The following ZNF552 variants were observed in gnomAD, a reference collection of about 807,000 sequenced individuals.
The protein encoded by ZNF552 is zinc finger protein 552.
Under a neutral mutation model 7.2 loss-of-function variants are expected in ZNF552, and 2 were observed. The ratio of observed to expected loss-of-function variants is 0.28; its 90% confidence interval spans 0.11 to 0.88. The LOEUF (loss-of-function observed/expected upper bound fraction) is 0.88. Among genes scored for constraint, ZNF552 ranks in the 40% least tolerant of loss-of-function variants. The probability of loss-of-function intolerance (pLI) is 0.60; values close to 1 mark genes in which losing one functional copy is unlikely to be tolerated. For synonymous variants in ZNF552, 173 were observed against 176.5 expected, an observed-to-expected ratio of 0.98 and a Z score of 0.16; for missense variants, 421 against 493.4, an observed-to-expected ratio of 0.85 and a Z score of 1.39.
At chr19:57,813,635 C>G (rs191790631) in intron 1 of ZNF552, among the ~76,000 whole-genome samples, 24 of 152,156 alleles carry the variant, frequency 1.6e-4, no homozygotes, top group Admixed American at 1.5e-3. Flanking sequence ...GAGTCCACCC[C>G]CTCCTGACAG....
At chr19:57,810,453 C>T (rs1202575012) in intron 2 of ZNF552, among the ~76,000 whole-genome samples, 4 of 152,134 alleles carry the variant, frequency 2.6e-5, no homozygotes, top group Admixed American at 1.3e-4. Flanking sequence ...TAATCTGTAA[C>T]CCTACTCCCA....
At chr19:57,813,976 A>ACGTG in intron 1 of ZNF552, among the ~76,000 whole-genome samples, 1 of 151,432 alleles carries the variant, frequency 6.6e-6, no homozygotes, top group Non-Finnish European at 1.5e-5. Context: ...CCTCCGGACC[A>ACGTG]ACCCGCCTAG....
chr19:57,812,496 C>G (rs1051219374), intron 2 of ZNF552, among the ~76,000 whole-genome samples: 5 of 151,980 alleles, frequency 3.3e-5, no homozygotes, highest in Non-Finnish European at 7.4e-5. Flanking sequence ...AAGGGAAAGA[C>G]AGAACAAGGA....
rs1345342593 is a variant in ZNF552 at position 57,814,515 on chromosome 19, C to T, written c.33+196G>A. The T allele has an allele frequency of 3.3e-6, 5 of 1,536,992 alleles. No homozygotes were observed. In the East Asian group the frequency reaches 7.3e-5, roughly 23 times the overall value. On this transcript the variant is annotated intron_variant, in intron 1 of 2. Transcript: ENST00000391701. ...GATCCGTCCATCTCCAGGCCATTGC[C>T]CGCGCCCCTCCCTGTACCTGTCGCT... is the stretch of plus-strand genomic sequence containing the variant.
Position 57,813,285 on chromosome 19 carries a change from G to A in ZNF552, c.160+9C>T, listed in dbSNP as rs530128550. ...GCTCAGGTCACAGGGGTGAGTGTGG[G>A]CAACTTACCCAGGGAGGACATAAGT... is the stretch of plus-strand genomic sequence containing the variant. On this transcript the variant is annotated intron_variant, in intron 2 of 2. Transcript: ENST00000391701. 5.0e-5 allele frequency: 80 copies of A among 1,613,998 alleles called. No homozygotes were observed. The Middle Eastern group carries it at 9.9e-4, about 20-fold the overall frequency.
chr19:57,811,507 C>G (rs1057501134), intron 2 of ZNF552, among the ~76,000 whole-genome samples: 2 of 152,034 alleles, frequency 1.3e-5, no homozygotes, highest in Non-Finnish European at 2.9e-5. Flanking sequence ...TTTCTTTTCT[C>G]AAGTCTCTCA....
At position 57,808,668 on chromosome 19, in the gene ZNF552, G is replaced by C. The variant is rs1258650701; in HGVS notation, c.596C>G (p.Thr199Ser). Reference sequence around the variant, plus strand: ...CCCATGAAACAGAGACACACACTCAGTTTTGCTGTTTGACTTCCCAGTGTG... The same window carrying C: ...CCCATGAAACAGAGACACACACTCACTTTTGCTGTTTGACTTCCCAGTGTG... ...ATHTGKSNSK[T>S]ECVSLFHGGK... is the part of the protein sequence containing the mutation. Residue 199 changes from threonine (T) to serine (S), a missense_variant, in exon 3 of 3, where the codon ACT becomes AGT. Thr to Ser is a moderately conservative substitution (Grantham distance 58). Transcript: ENST00000391701. The C allele has an allele frequency of 6.2e-7, 1 of 1,614,068 alleles. No homozygotes were observed. Among genetic ancestry groups the C allele is most frequent in the African/African-American group, 1.3e-5 (1 of 74,920 alleles).
At chr19:57,811,807 G>A (rs959106625) in intron 2 of ZNF552, among the ~76,000 whole-genome samples, 4 of 151,354 alleles carry the variant, frequency 2.6e-5, no homozygotes, top group Non-Finnish European at 5.9e-5. Flanking sequence ...AAGGCAGGCG[G>A]ATCATGAAGT....
At chr19:57,809,155 A>G (rs1400857173) in intron 2 of ZNF552, 52 bp from the exon 3 acceptor site, 1 of 1,581,444 alleles carries the variant, frequency 6.3e-7, no homozygotes, top group East Asian at 2.3e-5. Context: ...GTGGGAAGGC[A>G]CAGACCACCC....
At chr19:57,812,761 G>C (rs1230114594) in intron 2 of ZNF552, among the ~76,000 whole-genome samples, 1 of 152,092 alleles carries the variant, frequency 6.6e-6, no homozygotes, top group South Asian at 2.1e-4. Flanking sequence ...TAGAGATGGG[G>C]TTTCACCATG....
Position 57,807,987 on chromosome 19 carries a change from A to G in ZNF552, c.*53T>C. The G allele has an allele frequency of 2.0e-6, 3 of 1,525,574 alleles. No homozygotes were observed. The highest frequency in any genetic ancestry group is 3.5e-4 in the Middle Eastern group (2 of 5,678). The allele number at this position is 1,525,574 out of a possible 1,614,324, so 94.5% of individuals were successfully genotyped here. ...TTTCCACATTTGCTGCAATCACAGG[A>G]TCTTACTCAGGTGTGTATTCTCCAA... is the stretch of plus-strand genomic sequence containing the variant. On this transcript the variant is annotated 3_prime_UTR_variant, in exon 3 of 3. Transcript: ENST00000391701.
intron 1 of ZNF552, 53 bp from the exon 2 acceptor site, chr19:57,813,473 A>T: frequency 1.3e-6 from 2 of 1,583,850 alleles, no homozygotes; most frequent in East Asian, 4.5e-5. Flanking sequence ...CTGAGGTATC[A>T]CAATCCATCT....
At chr19:57,812,714 G>A (rs547321488) in intron 2 of ZNF552, among the ~76,000 whole-genome samples, 5 of 152,230 alleles carry the variant, frequency 3.3e-5, no homozygotes, top group East Asian at 1.9e-4. Flanking sequence ...GATTAAAAGC[G>A]TGTGCCACCA....
chr19:57,811,586 C>A (rs1987857601), intron 2 of ZNF552, among the ~76,000 whole-genome samples: 1 of 151,944 alleles, frequency 6.6e-6, no homozygotes, highest in African/African-American at 2.4e-5. Flanking sequence ...GGCATGGTGG[C>A]ACATGCCTGT....
chr19:57,814,545 C>G (rs1987920907), intron 1 of ZNF552, 166 bp downstream of exon 1: 9 of 1,542,406 alleles, frequency 5.8e-6, no homozygotes, highest in Non-Finnish European at 7.0e-6. Flanking sequence ...GTCGCTCTCC[C>G]CACCGCATCC....
rs151310377 is a variant in ZNF552 at position 57,813,298 on chromosome 19, G to A, written c.156C>T (p.Ser52=). 2.3e-4 allele frequency: 375 copies of A among 1,614,032 alleles called. No individual in the cohort carries two copies. The highest frequency in any genetic ancestry group is 4.6e-4 in the South Asian group (42 of 91,084). Residue 52 remains serine, a synonymous_variant, in exon 2 of 3, where the codon TCC becomes TCT. Transcript: ENST00000391701. ...GGGTGAGTGTGGGCAACTTACCCAG[G>A]GAGGACATAAGTGCCAGGTTCTCCA... The part of the protein sequence containing the change: ...VTLENLALMS[S]LGCWCGVEDE...
rs777048085 is a variant in ZNF552 at position 57,808,142 on chromosome 19, G to A, written c.1122C>T (p.His374=). Residue 374 remains histidine, a synonymous_variant, in exon 3 of 3, where the codon CAC becomes CAT. Transcript: ENST00000391701. ...TGCACCCGTAAGGCTTTTCTCCAGT[G>A]TGAACTCTCCTGTGTTTAGTGAGAC... is the stretch of plus-strand genomic sequence containing the variant. ...SSSLTKHRRV[H]TGEKPYGCSE... 10 of 1,614,180 alleles carry A rather than the reference G, an allele frequency of 6.2e-6. No individual in the cohort carries two copies. In the Admixed American group the frequency reaches 1.5e-4, roughly 24 times the overall value.
chr19:57,813,136 G>A, intron 2 of ZNF552, 158 bp downstream of exon 2: 1 of 1,261,706 alleles, frequency 7.9e-7, no homozygotes, highest in Non-Finnish European at 1.1e-6. Flanking sequence ...GCTGCTCCAA[G>A]AATGGAGAGG....
At position 57,808,359 on chromosome 19, in the gene ZNF552, T is replaced by C. The variant is rs1409719846; in HGVS notation, c.905A>G (p.Gln302Arg). 3.7e-6 allele frequency: 6 copies of C among 1,613,114 alleles called. No individual in the cohort carries two copies. The highest frequency in any genetic ancestry group is 5.1e-6 in the Non-Finnish European group (6 of 1,179,270). The change falls in exon 3 of 3, where the codon CAG (glutamine) becomes CGG (arginine). Residue 302 changes from glutamine (Q) to arginine (R), a missense_variant. By Grantham distance (43) the Gln-to-Arg change is conservative (BLOSUM62 1). Coordinates refer to ENST00000391701, the MANE Select transcript of ZNF552 (RefSeq NM_024762.3). ...GEKPYECEVCQKFFRHKYHLI... is the reference protein window; with the variant it reads ...GEKPYECEVCRKFFRHKYHLI... Reference sequence around the variant, plus strand: ...GTGGTACTTGTGCCTAAAAAATTTCTGACAAACCTCACACTCATATGGCTT... The same window carrying C: ...GTGGTACTTGTGCCTAAAAAATTTCCGACAAACCTCACACTCATATGGCTT...
Sources: gnomAD v4.1 joint callset for allele counts (sites outside exome capture counted in the v4.1 genomes callset) on GRCh38, gnomAD v4.1.1 for gene constraint, MANE v1.5 for transcripts, NCBI Gene and HGNC (gene_info 2026-07-23, HGNC 2026-07-21) for gene names.